The following DIAPH3 variants were observed in gnomAD, a reference collection of about 807,000 sequenced individuals.
DIAPH3 encodes the protein protein diaphanous homolog 3.
Under a neutral mutation model 144.3 loss-of-function variants are expected in DIAPH3, and 117 were observed. The ratio of observed to expected loss-of-function variants is 0.81; its 90% CI spans 0.70 to 0.95. DIAPH3 has a LOEUF of 0.95. Ranked by LOEUF, DIAPH3 falls within the 40% of genes least tolerant of loss-of-function variation. DIAPH3 has a pLI of 0.00. For synonymous variants in DIAPH3, 519 were observed against 488.9 expected (o/e 1.06, Z -0.81); for missense variants, 1,421 against 1,412.7 (o/e 1.01, Z -0.09).
At chr13:60,048,097 G>A (rs2056169888) in intron 4 of DIAPH3, among the ~76,000 whole-genome samples, 1 of 152,238 alleles carries the variant, frequency 6.6e-6, no homozygotes, top group Admixed American at 6.5e-5. Flanking sequence ...CATAAGAGAA[G>A]AACACAAAGC....
chr13:59,774,204 T>C lies in DIAPH3; in HGVS notation c.3304A>G (p.Lys1102Glu). ...GGTTTATTACCATGGTTACAAACTTTCAGAACAGGCCTCTGAGACATTGGA... is the reference window on the plus strand; with the variant it reads ...GGTTTATTACCATGGTTACAAACTTCCAGAACAGGCCTCTGAGACATTGGA... ...LSPMSQRPVL[K>E]VCNHENQKVQ... The change falls in exon 27 of 28, where the codon AAA becomes GAA. Residue 1102 changes from lysine (K) to glutamate (E), a missense_variant. Physicochemically the swap from Lys to Glu is moderately conservative, Grantham distance 56. Coordinates refer to ENST00000400324, the MANE Select transcript of DIAPH3 (RefSeq NM_001042517.2). 1 of 1,613,318 alleles carries C rather than the reference T, an allele frequency of 6.2e-7. No individual in the cohort carries two copies. Among genetic ancestry groups the C allele is most frequent in the East Asian group, 2.2e-5 (1 of 44,832 alleles).
intron 4 of DIAPH3, among the ~76,000 whole-genome samples, chr13:60,063,770 A>C (rs1295780408): frequency 6.6e-6 from 1 of 152,086 alleles, no homozygotes; most frequent in African/African-American, 2.4e-5. Flanking sequence ...CTACTAAAAA[A>C]TACACAAAAT....
At chr13:60,130,623 C>T (rs944341211) in intron 2 of DIAPH3, among the ~76,000 whole-genome samples, 1 of 152,222 alleles carries the variant, frequency 6.6e-6, no homozygotes, top group African/African-American at 2.4e-5. Context: ...GTTATCAGAA[C>T]AGTGACTCTT....
chr13:59,873,749 C>G (rs2140018268), intron 21 of DIAPH3, among the ~76,000 whole-genome samples: 1 of 150,078 alleles, frequency 6.7e-6, no homozygotes, highest in African/African-American at 2.5e-5. Context: ...TCACTGCAAC[C>G]TCCGCCTCCC....
chr13:60,121,774 T>G, intron 2 of DIAPH3, among the ~76,000 whole-genome samples: 1 of 152,186 alleles, frequency 6.6e-6, no homozygotes, highest in East Asian at 1.9e-4. Flanking sequence ...GGGTGATTAC[T>G]GATGATATGA....
chr13:59,984,465 C>A (rs569180874), intron 12 of DIAPH3, among the ~76,000 whole-genome samples: 1 of 151,730 alleles, frequency 6.6e-6, no homozygotes, highest in African/African-American at 2.4e-5. Flanking sequence ...CTAAAACCTC[C>A]AAGTAGATTT....
At chr13:60,157,221 A>G (rs1952076476) in intron 1 of DIAPH3, among the ~76,000 whole-genome samples, 1 of 152,068 alleles carries the variant, frequency 6.6e-6, no homozygotes. Flanking sequence ...CTGGGATTAC[A>G]GGCATGCACC....
intron 22 of DIAPH3, among the ~76,000 whole-genome samples, chr13:59,845,738 C>G (rs960261026): frequency 6.6e-6 from 1 of 152,202 alleles, no homozygotes; most frequent in Non-Finnish European, 1.5e-5. Flanking sequence ...AGCAAGTACA[C>G]AGGTAAAGTG....
intron 4 of DIAPH3, among the ~76,000 whole-genome samples, chr13:60,079,349 G>A (rs923517077): frequency 1.3e-5 from 2 of 151,930 alleles, no homozygotes; most frequent in African/African-American, 4.8e-5. Flanking sequence ...TGAATTCTGT[G>A]AATACCAAGA....
rs1041247676 is a variant in DIAPH3, at chr13:59,879,212, T to TA, written c.2607+16dup. ...AAGTGTTCAGGCAAATATGTGTTTT[T>TA]AAAAAAACAAACTCACTTTACAGAG... is the stretch of plus-strand genomic sequence containing the variant. On this transcript the variant is annotated intron_variant, in intron 21 of 27. Coordinates refer to ENST00000400324, the MANE Select transcript of DIAPH3 (RefSeq NM_001042517.2). 6 of 1,613,392 alleles carry TA rather than the reference T, an allele frequency of 3.7e-6. No individual in the cohort carries two copies. The African/African-American group carries it at 6.7e-5, about 18-fold the overall frequency.
intron 27 of DIAPH3, among the ~76,000 whole-genome samples, chr13:59,762,172 C>T (rs1271914838): frequency 6.6e-6 from 1 of 150,490 alleles, no homozygotes; most frequent in Non-Finnish European, 1.5e-5. Context: ...GATTCCCCTG[C>T]CTCAGCCTCC....
chr13:59,754,651 TA>T (rs1486567139), intron 27 of DIAPH3, among the ~76,000 whole-genome samples: 2 of 152,184 alleles, frequency 1.3e-5, no homozygotes, highest in Non-Finnish European at 2.9e-5. Flanking sequence ...AAATAAGCTC[TA>T]GTTTGTAAAA....
At chr13:60,040,623 G>A (rs2055592709) in intron 5 of DIAPH3, among the ~76,000 whole-genome samples, 1 of 151,896 alleles carries the variant, frequency 6.6e-6, no homozygotes, top group African/African-American at 2.4e-5. Context: ...GTAAATAAAG[G>A]GTCTACTCCT....
intron 5 of DIAPH3, among the ~76,000 whole-genome samples, chr13:60,035,452 G>A (rs2055141657): frequency 6.6e-6 from 1 of 152,184 alleles, no homozygotes. Context: ...AGGTTTGGAA[G>A]GACTGTGAAA....
intron 17 of DIAPH3, among the ~76,000 whole-genome samples, chr13:59,963,457 T>C (rs1347510111): frequency 6.6e-6 from 1 of 152,194 alleles, no homozygotes; most frequent in African/African-American, 2.4e-5. Flanking sequence ...TTTGCTATAC[T>C]ATTTATTTAA....
intron 5 of DIAPH3, among the ~76,000 whole-genome samples, chr13:60,030,038 T>G (rs2054674964): frequency 6.6e-6 from 1 of 152,096 alleles, no homozygotes; most frequent in Non-Finnish European, 1.5e-5. Context: ...CCCACTCTTC[T>G]CTAAACTAGT....
intron 27 of DIAPH3, among the ~76,000 whole-genome samples, chr13:59,711,613 T>C (rs2034748459): frequency 6.6e-6 from 1 of 152,196 alleles, no homozygotes. Context: ...CTAAGTCTTT[T>C]ACTTGAATTA....
At position 59,974,372 on chromosome 13, in the gene DIAPH3, G is replaced by A; in HGVS notation, c.1630C>T (p.Leu544=). 2 of 1,611,922 alleles carry A rather than the reference G, an allele frequency of 1.2e-6. No homozygotes were observed. The highest frequency in any genetic ancestry group is 1.7e-6 in the Non-Finnish European group (2 of 1,179,424). ...TTTACCTGAGACTTAAAAGCTTGTA[G>A]CTCTGCTTGAAGCTCATTAATCTTT... The part of the protein sequence containing the change: ...EAKINELQAE[L]QAFKSQFGAL... The change falls in exon 15 of 28, where the codon CTA becomes TTA. Residue 544 remains leucine (L), a synonymous_variant. Transcript: ENST00000400324.
chr13:60,064,830 T>C (rs1301555734), intron 4 of DIAPH3, among the ~76,000 whole-genome samples: 1 of 152,220 alleles, frequency 6.6e-6, no homozygotes, highest in African/African-American at 2.4e-5. Flanking sequence ...TAATCATTTT[T>C]AGCTTTTGAT....
Sources: allele counts gnomAD v4.1 joint callset (sites outside exome capture counted in the v4.1 genomes callset), GRCh38; gene constraint gnomAD v4.1.1; transcripts MANE v1.5; gene names NCBI Gene and HGNC (gene_info 2026-07-23, HGNC 2026-07-21).